The following SORCS2 variants were observed in gnomAD, a reference collection of about 807,000 sequenced individuals.
The protein encoded by SORCS2 is VPS10 domain-containing receptor SorCS2.
A neutral mutation model predicts 141.6 loss-of-function variants in SORCS2; 100 were observed. The observed-to-expected ratio is 0.71, with a 90% CI of 0.60 to 0.83. The LOEUF (loss-of-function observed/expected upper bound fraction) is 0.83. Ranked by LOEUF, SORCS2 falls within the 40% of genes least tolerant of loss-of-function variation. The pLI is 0.00. For synonymous variants in SORCS2, 789 were observed against 676.9 expected (o/e 1.17, Z -2.57); for missense variants, 1,646 against 1,560.2 (o/e 1.05, Z -0.93).
chr4:7,440,388 A>G (rs1370798465), intron 2 of SORCS2, among the ~76,000 whole-genome samples: 1 of 152,234 alleles, frequency 6.6e-6, no homozygotes, highest in Non-Finnish European at 1.5e-5. Context: ...TGACCAAGGG[A>G]GAGCACGAAT....
At chr4:7,235,423 C>G (rs1408123401) in intron 1 of SORCS2, among the ~76,000 whole-genome samples, 1 of 152,230 alleles carries the variant, frequency 6.6e-6, no homozygotes, top group Non-Finnish European at 1.5e-5. Context: ...AGAGGCATGG[C>G]CACTGGCCTG....
At chr4:7,234,212 G>T (rs560726398) in intron 1 of SORCS2, among the ~76,000 whole-genome samples, 1 of 152,312 alleles carries the variant, frequency 6.6e-6, no homozygotes, top group African/African-American at 2.4e-5. Context: ...CCTTGATTTC[G>T]AGATGTGCTG....
intron 11 of SORCS2, 138 bp downstream of exon 11, chr4:7,689,726 G>A: frequency 2.6e-6 from 2 of 775,120 alleles, no homozygotes; most frequent in South Asian, 4.2e-5. Context: ...TGCATCTCCA[G>A]GAAGCTCAGC....
intron 5 of SORCS2, among the ~76,000 whole-genome samples, chr4:7,658,549 A>G (rs1170721209): frequency 2.6e-5 from 4 of 152,246 alleles, no homozygotes; most frequent in African/African-American, 9.6e-5. Flanking sequence ...CGAAATCAAC[A>G]CTCCACCTTG....
At chr4:7,288,956 T>C (rs1344898980) in intron 1 of SORCS2, among the ~76,000 whole-genome samples, 2 of 152,032 alleles carry the variant, frequency 1.3e-5, no homozygotes, top group African/African-American at 4.8e-5. Flanking sequence ...GAAGCCTTCC[T>C]ATCTTTCCTT....
rs945384647 is a variant in SORCS2 at position 7,741,317 on chromosome 4, C to T, written c.*1053C>T. ...AACTGAGGCCCAGGGAGGAGAGTAACTGAAGGTCACAGCACGGTCACAGCA... is the reference window on the plus strand; with the variant it reads ...AACTGAGGCCCAGGGAGGAGAGTAATTGAAGGTCACAGCACGGTCACAGCA... On this transcript the variant is annotated 3_prime_UTR_variant, in exon 27 of 27. Transcript: ENST00000507866. 1 of 398,912 alleles carries T rather than the reference C, an allele frequency of 2.5e-6. No homozygotes were observed. The highest frequency in any genetic ancestry group is 2.1e-5 in the African/African-American group (1 of 48,630). The allele number at this position is 398,912 out of a possible 1,614,324, so 24.7% of individuals were successfully genotyped here. A position where few individuals can be genotyped will look rare whatever the true frequency, so the allele number is the denominator to read the frequency against.
intron 18 of SORCS2, among the ~76,000 whole-genome samples, chr4:7,723,425 C>T (rs948167658): frequency 6.6e-6 from 1 of 152,138 alleles, no homozygotes; most frequent in African/African-American, 2.4e-5. Flanking sequence ...TGGGCCTCTC[C>T]CTCTCCCTCT....
chr4:7,606,562 C>A (rs968883294), intron 3 of SORCS2, among the ~76,000 whole-genome samples: 4 of 152,098 alleles, frequency 2.6e-5, no homozygotes, highest in African/African-American at 9.7e-5. Flanking sequence ...GAACATGTAG[C>A]TCCTGAACCT....
At chr4:7,679,013 C>T (rs145038846) in intron 9 of SORCS2, among the ~76,000 whole-genome samples, 3 of 152,326 alleles carry the variant, frequency 2.0e-5, no homozygotes, top group Non-Finnish European at 4.4e-5. Context: ...GTTTTCCCAG[C>T]ACTTGCCCTT....
chr4:7,734,211 GGGGATGGGACA>G (rs1711959003), intron 24 of SORCS2, 50 bp from the exon 25 acceptor site: 1 of 1,286,038 alleles, frequency 7.8e-7, no homozygotes, highest in Non-Finnish European at 1.1e-6. Flanking sequence ...GGGATGGGCT[GGGGATGGGACA>G]GGGATGGGCG....
chr4:7,349,064 A>T (rs1367876371), intron 1 of SORCS2, among the ~76,000 whole-genome samples: 1 of 152,128 alleles, frequency 6.6e-6, no homozygotes. Flanking sequence ...GGGGGAATTC[A>T]ACTTAATTGC....
chr4:7,505,845 C>T (rs1732245407), intron 2 of SORCS2, among the ~76,000 whole-genome samples: 1 of 152,150 alleles, frequency 6.6e-6, no homozygotes, highest in Non-Finnish European at 1.5e-5. Flanking sequence ...TGTCGCGGGG[C>T]CCTCATAGAG....
intron 1 of SORCS2, among the ~76,000 whole-genome samples, chr4:7,242,456 G>A (rs774062041): frequency 5.9e-5 from 9 of 151,780 alleles, no homozygotes; most frequent in African/African-American, 1.7e-4. Context: ...CTCCCACCCC[G>A]GCCTCCCAAA....
At chr4:7,537,312 G>T (rs759801777) in intron 3 of SORCS2, among the ~76,000 whole-genome samples, 1 of 152,290 alleles carries the variant, frequency 6.6e-6, no homozygotes, top group Non-Finnish European at 1.5e-5. Flanking sequence ...CTCCCAGGGC[G>T]ATCCTCTGGG....
chr4:7,342,035 C>T (rs1175388912), intron 1 of SORCS2, among the ~76,000 whole-genome samples: 1 of 152,246 alleles, frequency 6.6e-6, no homozygotes, highest in East Asian at 1.9e-4. Flanking sequence ...ATACCCCATT[C>T]CTTTTTCATG....
intron 1 of SORCS2, among the ~76,000 whole-genome samples, chr4:7,297,295 G>A (rs1413715886): frequency 1.3e-5 from 2 of 152,306 alleles, no homozygotes; most frequent in South Asian, 4.1e-4. Flanking sequence ...TGAGCCCCCA[G>A]AGTCGGTGGG....
chr4:7,686,462 C>G (rs557480575), intron 10 of SORCS2, among the ~76,000 whole-genome samples: 66 of 152,312 alleles, frequency 4.3e-4, no homozygotes, highest in African/African-American at 1.5e-3. Context: ...AGGGAGAGTC[C>G]TGGAGCAGTG....
At chr4:7,354,179 G>C (rs1177307512) in intron 1 of SORCS2, among the ~76,000 whole-genome samples, 1 of 152,144 alleles carries the variant, frequency 6.6e-6, no homozygotes, top group African/African-American at 2.4e-5. Flanking sequence ...CCTGGTTTCT[G>C]CTTAGCCTGT....
chr4:7,328,332 G>A (rs1210196135), intron 1 of SORCS2, among the ~76,000 whole-genome samples: 2 of 151,822 alleles, frequency 1.3e-5, no homozygotes, highest in African/African-American at 4.8e-5. Context: ...CACCGCACCC[G>A]GCCCGTGCTA....
Sources: gnomAD v4.1 joint callset for allele counts (sites outside exome capture counted in the v4.1 genomes callset) on GRCh38, gnomAD v4.1.1 for gene constraint, MANE v1.5 for transcripts, NCBI Gene and HGNC (gene_info 2026-07-23, HGNC 2026-07-21) for gene names.